The following DYM variants were observed in gnomAD, a reference collection of about 807,000 sequenced individuals.
The protein encoded by DYM is dymeclin.
Under a neutral mutation model 93.1 loss-of-function variants are expected in DYM, and 78 were observed. The observed-to-expected ratio is 0.84, with a 90% CI of 0.70 to 1.01. DYM has a LOEUF of 1.01. DYM is among the 50% of genes least tolerant of loss of function. The probability of loss-of-function intolerance (pLI) is 0.00; values close to 1 mark genes in which losing one functional copy is unlikely to be tolerated. For missense variants in DYM, 789 were observed against 845.0 expected (o/e 0.93, Z 0.82); for synonymous variants, 321 against 319.7 (o/e 1.00, Z -0.04).
At chr18:49,259,994 A>G (rs905111359) in intron 11 of DYM, among the ~76,000 whole-genome samples, 2 of 152,234 alleles carry the variant, frequency 1.3e-5, no homozygotes, top group Non-Finnish European at 2.9e-5. Context: ...AATTTTTTAA[A>G]AAAATTCTGA....
intron 3 of DYM, among the ~76,000 whole-genome samples, chr18:49,382,996 G>C (rs1007941603): frequency 4.6e-5 from 7 of 152,116 alleles, no homozygotes; most frequent in Admixed American, 3.3e-4. Context: ...CCAATGTAGA[G>C]AAAATACAGA....
chr18:49,390,220 G>A (rs2069069539), intron 3 of DYM, among the ~76,000 whole-genome samples: 1 of 152,154 alleles, frequency 6.6e-6, no homozygotes, highest in Admixed American at 6.5e-5. Flanking sequence ...GCGGCCAGGA[G>A]CCTGAGACTA....
At chr18:49,045,577 C>T (rs1002461936) in intron 17 of DYM, among the ~76,000 whole-genome samples, 1 of 152,158 alleles carries the variant, frequency 6.6e-6, no homozygotes, top group South Asian at 2.1e-4. Flanking sequence ...TACGGGGGTG[C>T]GGCAGCCAAA....
intron 11 of DYM, among the ~76,000 whole-genome samples, chr18:49,263,621 T>G (rs2094524122): frequency 6.6e-6 from 1 of 151,600 alleles, no homozygotes. Context: ...TCCCAGCTAC[T>G]CCAGAGGCAG....
intron 17 of DYM, among the ~76,000 whole-genome samples, chr18:49,053,827 G>T (rs1016912901): frequency 6.6e-6 from 1 of 152,216 alleles, no homozygotes; most frequent in Non-Finnish European, 1.5e-5. Context: ...GTGGGCTTCA[G>T]CTAAACAGGA....
chr18:49,277,475 C>T (rs772645515), intron 10 of DYM, among the ~76,000 whole-genome samples: 22 of 152,196 alleles, frequency 1.4e-4, no homozygotes, highest in South Asian at 4.2e-4. Context: ...ACGAACTGCA[C>T]GTTTGGGCCC....
At chr18:49,149,529 A>G (rs1224835914) in intron 15 of DYM, among the ~76,000 whole-genome samples, 1 of 151,924 alleles carries the variant, frequency 6.6e-6, no homozygotes, top group Non-Finnish European at 1.5e-5. Context: ...TTTTTCATTC[A>G]TTCACCTATG....
intron 4 of DYM, among the ~76,000 whole-genome samples, chr18:49,379,270 C>T (rs1226459645): frequency 6.6e-6 from 1 of 152,000 alleles, no homozygotes; most frequent in Non-Finnish European, 1.5e-5. Context: ...AAAAAGTTAA[C>T]CTTCCATTGA....
At chr18:49,085,855 T>C (rs766225853) in intron 17 of DYM, among the ~76,000 whole-genome samples, 8 of 152,194 alleles carry the variant, frequency 5.3e-5, no homozygotes, top group Admixed American at 1.3e-4. Flanking sequence ...TCCACCCGCC[T>C]TGGCCTCCCA....
At chr18:49,113,878 C>T (rs182031300) in intron 16 of DYM, among the ~76,000 whole-genome samples, 23 of 152,232 alleles carry the variant, frequency 1.5e-4, no homozygotes, top group African/African-American at 5.3e-4. Context: ...TAGTATTCAA[C>T]AAAAAGTTGT....
chr18:49,358,313 G>A lies in DYM; in HGVS notation c.494+4848C>T, dbSNP rs114837993. On this transcript the variant is annotated intron_variant, in intron 6 of 17. Transcript: ENST00000675505. ...ATGAAAGCTTGAAGGTGGTCAGAACGTGAGCCATGCAAATATCTAAAGGAA... is the reference window on the plus strand; with the variant it reads ...ATGAAAGCTTGAAGGTGGTCAGAACATGAGCCATGCAAATATCTAAAGGAA... Among the ~76,000 whole-genome samples the A allele has an allele frequency of 3.4e-3, 524 of 152,206 alleles. 4 individuals carry two copies. Among genetic ancestry groups the A allele is most frequent in the African/African-American group, 0.012 (485 of 41,542 alleles).
intron 14 of DYM, among the ~76,000 whole-genome samples, chr18:49,191,735 T>C (rs1228282327): frequency 6.6e-6 from 1 of 152,168 alleles, no homozygotes; most frequent in Non-Finnish European, 1.5e-5. Context: ...GACACAAATA[T>C]AATTTAGAAT....
At chr18:49,063,036 A>G (rs1040276086) in intron 17 of DYM, among the ~76,000 whole-genome samples, 4 of 152,256 alleles carry the variant, frequency 2.6e-5, no homozygotes, top group Admixed American at 6.5e-5. Flanking sequence ...TCTCACTTCC[A>G]GTGTAGCAAA....
At chr18:49,048,708 C>T (rs1286330085) in intron 17 of DYM, among the ~76,000 whole-genome samples, 1 of 152,216 alleles carries the variant, frequency 6.6e-6, no homozygotes, top group East Asian at 1.9e-4. Context: ...GCCCTCATGG[C>T]TTTGGGGAAA....
intron 8 of DYM, among the ~76,000 whole-genome samples, chr18:49,319,260 A>T (rs1182035018): frequency 6.6e-6 from 1 of 152,220 alleles, no homozygotes; most frequent in African/African-American, 2.4e-5. Flanking sequence ...CAGCACAAGG[A>T]CTAGAGTTAA....
At chr18:49,225,661 A>G (rs1013983894) in intron 13 of DYM, among the ~76,000 whole-genome samples, 1 of 152,148 alleles carries the variant, frequency 6.6e-6, no homozygotes. Context: ...CTGTAGTAAA[A>G]TACAATTTTT....
chr18:49,078,139 A>G (rs2077467459), intron 17 of DYM, among the ~76,000 whole-genome samples: 1 of 152,118 alleles, frequency 6.6e-6, no homozygotes, highest in Non-Finnish European at 1.5e-5. Flanking sequence ...AGAGATGACA[A>G]TATACACTCT....
intron 16 of DYM, among the ~76,000 whole-genome samples, chr18:49,112,433 G>A (rs978561666): frequency 3.9e-5 from 6 of 152,086 alleles, no homozygotes; most frequent in African/African-American, 1.4e-4. Flanking sequence ...CTACCCCTGT[G>A]CTCTGCCACA....
intron 15 of DYM, among the ~76,000 whole-genome samples, chr18:49,156,819 T>C (rs2086511546): frequency 6.6e-6 from 1 of 151,026 alleles, no homozygotes; most frequent in Admixed American, 6.6e-5. Flanking sequence ...GCCCCCCTCC[T>C]AGATGCAAGG....
Sources: allele counts gnomAD v4.1 joint callset (sites outside exome capture counted in the v4.1 genomes callset), GRCh38; gene constraint gnomAD v4.1.1; transcripts MANE v1.5; gene names NCBI Gene and HGNC (gene_info 2026-07-23, HGNC 2026-07-21).